The following NELL1 variants were observed in gnomAD, a reference collection of about 807,000 sequenced individuals.
NELL1 encodes the protein protein kinase C-binding protein NELL1.
In NELL1, 76 loss-of-function variants were observed where a neutral mutation model predicts 107.4. The observed-to-expected ratio is 0.71, with a 90% CI of 0.59 to 0.86. NELL1 has a LOEUF of 0.86. Among genes scored for constraint, NELL1 ranks in the 40% least tolerant of loss-of-function variants. NELL1 has a pLI of 0.00. For missense variants in NELL1, 1,024 were observed against 1,005.5 expected, an observed-to-expected ratio of 1.02 and a Z score of -0.25; for synonymous variants, 353 against 341.2, an observed-to-expected ratio of 1.03 and a Z score of -0.38.
chr11:20,920,650 A>G (rs1850357388), intron 7 of NELL1, among the ~76,000 whole-genome samples: 1 of 152,076 alleles, frequency 6.6e-6, no homozygotes, highest in Admixed American at 6.6e-5. Context: ...TTAGCATGCT[A>G]CCAAAGTTTT....
At chr11:21,030,960 G>A (rs1422876966) in intron 12 of NELL1, among the ~76,000 whole-genome samples, 1 of 152,028 alleles carries the variant, frequency 6.6e-6, no homozygotes, top group Admixed American at 6.6e-5. Flanking sequence ...CTAACTCCTG[G>A]GCTCAGGCAA....
chr11:21,209,268 T>A (rs1031905782), intron 13 of NELL1, among the ~76,000 whole-genome samples: 8 of 150,984 alleles, frequency 5.3e-5, no homozygotes, highest in African/African-American at 1.9e-4. Flanking sequence ...CCTAGATATG[T>A]GTTATACATA....
chr11:20,802,552 G>A (rs185356045), intron 3 of NELL1, among the ~76,000 whole-genome samples: 28 of 151,942 alleles, frequency 1.8e-4, no homozygotes, highest in East Asian at 1.7e-3. Context: ...ATTGTATATC[G>A]TTTGTTTCTT....
chr11:21,092,728 C>T (rs930652466), intron 12 of NELL1, among the ~76,000 whole-genome samples: 4 of 152,170 alleles, frequency 2.6e-5, no homozygotes, highest in African/African-American at 9.7e-5. Flanking sequence ...AATGTTATTA[C>T]ATAGCAAGGT....
At chr11:20,715,464 G>A (rs1468207512) in intron 2 of NELL1, among the ~76,000 whole-genome samples, 1 of 152,248 alleles carries the variant, frequency 6.6e-6, no homozygotes, top group Admixed American at 6.5e-5. Flanking sequence ...CACATTAGCT[G>A]TTATGGCAGA....
chr11:21,113,244 T>A (rs887159777), intron 12 of NELL1, among the ~76,000 whole-genome samples: 1 of 152,022 alleles, frequency 6.6e-6, no homozygotes, highest in African/African-American at 2.4e-5. Flanking sequence ...GGACACCTAA[T>A]AAATATTCAT....
intron 15 of NELL1, among the ~76,000 whole-genome samples, chr11:21,425,897 T>C (rs1852808743): frequency 6.6e-6 from 1 of 152,096 alleles, no homozygotes; most frequent in Admixed American, 6.6e-5. Context: ...GTTAAAAAAT[T>C]AGAAAAATCA....
chr11:21,481,876 G>A (rs960327368), intron 15 of NELL1, among the ~76,000 whole-genome samples: 3 of 152,058 alleles, frequency 2.0e-5, no homozygotes, highest in Non-Finnish European at 2.9e-5. Context: ...AGAATTTTAC[G>A]GGTATTGGCT....
chr11:21,134,484 A>G (rs1306554812), intron 13 of NELL1, among the ~76,000 whole-genome samples: 4 of 151,950 alleles, frequency 2.6e-5, no homozygotes, highest in African/African-American at 4.8e-5. Context: ...AGGATGACAC[A>G]CTCTTAACCA....
At chr11:20,842,862 G>A (rs1237679267) in intron 3 of NELL1, among the ~76,000 whole-genome samples, 3 of 152,106 alleles carry the variant, frequency 2.0e-5, no homozygotes, top group Non-Finnish European at 4.4e-5. Context: ...ATTTTGATAT[G>A]AAATATACAG....
At chr11:21,258,682 T>A (rs184216976) in intron 14 of NELL1, among the ~76,000 whole-genome samples, 2 of 151,988 alleles carry the variant, frequency 1.3e-5, no homozygotes, top group East Asian at 1.9e-4. Context: ...GTTATTCTCA[T>A]CAAAAAAACA....
chr11:21,140,585 A>G (rs1259879482), intron 13 of NELL1, among the ~76,000 whole-genome samples: 2 of 152,232 alleles, frequency 1.3e-5, no homozygotes, highest in Non-Finnish European at 2.9e-5. Flanking sequence ...AAAGTCTGCA[A>G]TGAATTAACT....
chr11:21,483,315 TAA>T (rs1854538629), intron 15 of NELL1, among the ~76,000 whole-genome samples: 1 of 152,170 alleles, frequency 6.6e-6, no homozygotes, highest in South Asian at 2.1e-4. Context: ...TGCTTCCAGG[TAA>T]AGCTAATGTG....
At chr11:20,778,508 T>G (rs1047520657) in intron 2 of NELL1, among the ~76,000 whole-genome samples, 3 of 149,348 alleles carry the variant, frequency 2.0e-5, no homozygotes, top group Non-Finnish European at 4.5e-5. Context: ...CTTTTTTTTT[T>G]TTTTTTTTTT....
chr11:20,841,653 T>A (rs191498573), intron 3 of NELL1, among the ~76,000 whole-genome samples: 78 of 152,296 alleles, frequency 5.1e-4, no homozygotes, highest in African/African-American at 1.9e-3. Context: ...GGATCTCTTT[T>A]AGCCAGAGGA....
intron 14 of NELL1, among the ~76,000 whole-genome samples, chr11:21,297,038 T>G (rs1012327931): frequency 6.6e-6 from 1 of 151,592 alleles, no homozygotes; most frequent in Non-Finnish European, 1.5e-5. Flanking sequence ...TTTAAAAAAA[T>G]AATTATTTTA....
At chr11:21,137,897 C>A (rs769250519) in intron 13 of NELL1, among the ~76,000 whole-genome samples, 1 of 152,184 alleles carries the variant, frequency 6.6e-6, no homozygotes, top group East Asian at 1.9e-4. Context: ...AGTACATTTT[C>A]TGTAACATAA....
intron 14 of NELL1, among the ~76,000 whole-genome samples, chr11:21,255,427 A>C (rs1858744164): frequency 6.6e-6 from 1 of 152,214 alleles, no homozygotes; most frequent in South Asian, 2.1e-4. Context: ...GCTAACCACT[A>C]AACTCAGAAC....
chr11:21,423,348 G>A (rs867785512), intron 15 of NELL1, among the ~76,000 whole-genome samples: 9 of 152,012 alleles, frequency 5.9e-5, no homozygotes, highest in South Asian at 2.1e-4. Flanking sequence ...CCAGCCTGGC[G>A]ACAGAGAGAG....
Sources: gnomAD v4.1 joint callset for allele counts (sites outside exome capture counted in the v4.1 genomes callset) on GRCh38, gnomAD v4.1.1 for gene constraint, MANE v1.5 for transcripts, NCBI Gene and HGNC (gene_info 2026-07-23, HGNC 2026-07-21) for gene names.